The following DNAH12 variants were observed in gnomAD, a reference collection of about 807,000 sequenced individuals.
DNAH12 encodes the protein dynein axonemal heavy chain 12.
Under a neutral mutation model 371.5 loss-of-function variants are expected in DNAH12, and 285 were observed. The ratio of observed to expected loss-of-function variants is 0.77; its 90% CI spans 0.70 to 0.85. The LOEUF is 0.85. DNAH12 is among the 40% of genes least tolerant of loss of function. The pLI, the probability that DNAH12 is intolerant of heterozygous loss-of-function variation, is 0.00. For synonymous variants in DNAH12, 1,200 were observed against 1,213.0 expected, an observed-to-expected ratio of 0.99 and a Z score of 0.22; for missense variants, 3,611 against 3,689.4, an observed-to-expected ratio of 0.98 and a Z score of 0.55.
intron 22 of DNAH12, 121 bp from the exon 23 acceptor site, chr3:57,455,015 A>T: frequency 9.9e-7 from 1 of 1,007,348 alleles, no homozygotes; most frequent in Non-Finnish European, 1.3e-6. Flanking sequence ...ATATAGTCAT[A>T]AAAAATGTTA....
intron 13 of DNAH12, among the ~76,000 whole-genome samples, chr3:57,478,923 A>G (rs1559702987): frequency 6.6e-6 from 1 of 152,052 alleles, no homozygotes; most frequent in Non-Finnish European, 1.5e-5. Flanking sequence ...TCCTGAAGGA[A>G]GCGCTAAACA....
intron 65 of DNAH12, among the ~76,000 whole-genome samples, chr3:57,316,966 A>G (rs1002802740): frequency 1.3e-5 from 2 of 152,154 alleles, no homozygotes; most frequent in African/African-American, 2.4e-5. Context: ...GACCTCAATA[A>G]TTTATTTAAT....
chr3:57,476,084 G>A (rs2066513496), intron 13 of DNAH12, among the ~76,000 whole-genome samples: 1 of 152,078 alleles, frequency 6.6e-6, no homozygotes, highest in Non-Finnish European at 1.5e-5. Flanking sequence ...ATACTAGACT[G>A]CAATGAAAAT....
intron 59 of DNAH12, among the ~76,000 whole-genome samples, chr3:57,354,553 A>G (rs2062754977): frequency 6.6e-6 from 1 of 150,380 alleles, no homozygotes; most frequent in Admixed American, 6.7e-5. Context: ...AAAAAAAGAA[A>G]AAAAAAAAGA....
chr3:57,533,246 GGCCCA>G (rs1260449703), intron 2 of DNAH12, among the ~76,000 whole-genome samples: 2 of 151,998 alleles, frequency 1.3e-5, no homozygotes, highest in African/African-American at 4.8e-5. Context: ...GCTCCCCTCT[GGCCCA>G]GGGCAGGTCC....
intron 17 of DNAH12, among the ~76,000 whole-genome samples, chr3:57,465,470 T>C (rs1338724530): frequency 6.6e-6 from 1 of 152,046 alleles, no homozygotes; most frequent in African/African-American, 2.4e-5. Context: ...ACAAGAAAAC[T>C]AAGACCAAGA....
chr3:57,409,721 C>T (rs1471404550), intron 39 of DNAH12, among the ~76,000 whole-genome samples: 5 of 152,006 alleles, frequency 3.3e-5, no homozygotes, highest in African/African-American at 9.7e-5. Flanking sequence ...TATGACTTAG[C>T]TTTGAAATTC....
At chr3:57,543,508 G>T (rs1314026242) in intron 1 of DNAH12, among the ~76,000 whole-genome samples, 1 of 150,456 alleles carries the variant, frequency 6.6e-6, no homozygotes, top group East Asian at 2.0e-4. Flanking sequence ...TTTTAGTAGA[G>T]ACAGGGTTTC....
chr3:57,480,223 A>T (rs1275369014), intron 13 of DNAH12, among the ~76,000 whole-genome samples: 2 of 152,220 alleles, frequency 1.3e-5, no homozygotes, highest in African/African-American at 4.8e-5. Flanking sequence ...ATGCAATAAA[A>T]AATGATAAAG....
Position 57,457,745 on chromosome 3 carries a change from G to T in DNAH12, c.3312C>A (p.His1104Gln). ...CCAGCCTGGCTGCAGCGATCACATC[G>T]TGAACACTCCGGAGCATTAGGTCTT... ...QVEDLMLRSV[H>Q]DVIAAARLAY... is the part of the protein sequence containing the mutation. The change falls in exon 22 of 74, where the codon CAC becomes CAA. Residue 1104 changes from histidine (H) to glutamine (Q), a missense_variant. Transcript: ENST00000495027. 6.4e-7 allele frequency: 1 copy of T among 1,551,340 alleles called. No individual in the cohort carries two copies. Among genetic ancestry groups the T allele is most frequent in the African/African-American group, 1.4e-5 (1 of 73,072 alleles).
rs1258222936 is a variant in DNAH12 at position 57,445,382 on chromosome 3, T to C, written c.4217A>G (p.Tyr1406Cys). 2.6e-6 allele frequency: 4 copies of C among 1,550,124 alleles called. No individual in the cohort carries two copies. The highest frequency in any genetic ancestry group is 1.2e-5 in the South Asian group (1 of 83,548). ...GAGGGAGATTTCTGCTATAAGCGCA[T>C]AGTTTGGAACCATCATAGCCACTGT... ...FRTVAMMVPNYALIAEISLYS... is the reference protein window; with the variant it reads ...FRTVAMMVPNCALIAEISLYS... Residue 1406 changes from tyrosine to cysteine, a missense_variant, in exon 28 of 74, where the codon TAT (tyrosine) becomes TGT (cysteine). Physicochemically the swap from Tyr to Cys is radical, Grantham distance 194. This residue lies in a region of DNAH12 where 2,266 missense variants were observed against 2,236.9 expected (regional missense o/e 1.01). Transcript: ENST00000495027.
At chr3:57,465,843 T>C (rs2066183677) in intron 17 of DNAH12, among the ~76,000 whole-genome samples, 1 of 152,078 alleles carries the variant, frequency 6.6e-6, no homozygotes, top group Non-Finnish European at 1.5e-5. Context: ...CTCTTAAATA[T>C]ATGAAATATA....
intron 60 of DNAH12, among the ~76,000 whole-genome samples, chr3:57,338,471 C>T (rs545806425): frequency 1.9e-4 from 28 of 149,116 alleles, no homozygotes; most frequent in South Asian, 4.3e-4. Flanking sequence ...CGCCTTTGCC[C>T]GGCCGCCCCG....
intron 60 of DNAH12, among the ~76,000 whole-genome samples, chr3:57,349,275 T>C (rs1312744793): frequency 6.6e-6 from 1 of 152,050 alleles, no homozygotes; most frequent in Non-Finnish European, 1.5e-5. Flanking sequence ...AACCACAACA[T>C]GATACCACCT....
chr3:57,507,917 G>C, intron 7 of DNAH12, 79 bp from the exon 8 acceptor site: 1 of 1,314,712 alleles, frequency 7.6e-7, no homozygotes, highest in Non-Finnish European at 1.0e-6. Context: ...GGCCGGGCTC[G>C]GTGGTTCACA....
chr3:57,328,280 T>A (rs1480135322), intron 62 of DNAH12, among the ~76,000 whole-genome samples: 2 of 151,790 alleles, frequency 1.3e-5, no homozygotes, highest in Non-Finnish European at 2.9e-5. Flanking sequence ...TAGACCAATA[T>A]CCTTGATGAA....
At chr3:57,437,624 G>A (rs2065169569) in intron 29 of DNAH12, among the ~76,000 whole-genome samples, 1 of 152,176 alleles carries the variant, frequency 6.6e-6, no homozygotes, top group South Asian at 2.1e-4. Flanking sequence ...CTTAGCCAAA[G>A]TAGGAAGAAA....
chr3:57,529,650 T>C (rs1250518173), intron 2 of DNAH12, among the ~76,000 whole-genome samples: 1 of 152,180 alleles, frequency 6.6e-6, no homozygotes, highest in African/African-American at 2.4e-5. Flanking sequence ...GGTTAAAGGT[T>C]TGTCTATTTT....
intron 66 of DNAH12, among the ~76,000 whole-genome samples, chr3:57,312,951 G>A (rs2061610722): frequency 6.6e-6 from 1 of 152,148 alleles, no homozygotes; most frequent in Admixed American, 6.5e-5. Flanking sequence ...GTGTAAATAT[G>A]ATTAAATGCT....
Sources: allele counts gnomAD v4.1 joint callset (sites outside exome capture counted in the v4.1 genomes callset), GRCh38; gene constraint gnomAD v4.1.1; regional missense constraint gnomAD v4.1.1; transcripts MANE v1.5; gene names NCBI Gene and HGNC (gene_info 2026-07-23, HGNC 2026-07-21).